AKAP8: variants seen among roughly 807,000 people sequenced by gnomAD.
AKAP8 encodes the protein A-kinase anchoring protein 8.
A neutral mutation model predicts 67.5 loss-of-function variants in AKAP8; 24 were observed. The ratio of observed to expected loss-of-function variants is 0.36; its 90% CI spans 0.26 to 0.50. The LOEUF (loss-of-function observed/expected upper bound fraction) is 0.50, where lower values mean the gene tolerates loss of function less well. AKAP8 is among the 20% of genes least tolerant of loss of function. The probability of loss-of-function intolerance (pLI) is 0.97; values close to 1 mark genes in which losing one functional copy is unlikely to be tolerated. For synonymous variants in AKAP8, 400 were observed against 371.1 expected (o/e 1.08, Z -0.90); for missense variants, 971 against 955.9 (o/e 1.02, Z -0.21).
chr19:15,368,745 G>A (rs765919839), intron 8 of AKAP8: 149 of 985,162 alleles, frequency 1.5e-4, no homozygotes, highest in Non-Finnish European at 1.7e-4. Context: ...CAGCTGCTCC[G>A]CCGCCCTCTA....
In AKAP8 at chr19:15,359,027, A is replaced by T; in HGVS notation, c.1563T>A (p.His521Gln). 1 of 1,614,242 alleles carries T rather than the reference A, an allele frequency of 6.2e-7. No homozygotes were observed. The highest frequency in any genetic ancestry group is 1.1e-5 in the South Asian group (1 of 91,088). Reference sequence around the variant, plus strand: ...TGTTGTTCAAAACACTCTTAGCCACATGGAGACTGGTTTTCTTGAACTGTT... The same window carrying T: ...TGTTGTTCAAAACACTCTTAGCCACTTGGAGACTGGTTTTCTTGAACTGTT... ...AAEQFKKTSLHVAKSVLNNRH... is the reference protein window; with the variant it reads ...AAEQFKKTSLQVAKSVLNNRH... The change falls in exon 13 of 14, where the codon CAT becomes CAA. Residue 521 changes from histidine to glutamine, a missense_variant. By Grantham distance (24) the His-to-Gln change is conservative. Transcript: ENST00000269701.
rs543998894 is a variant in AKAP8 at position 15,373,324 on chromosome 19, G to C, written c.388C>G (p.Pro130Ala). The C allele has an allele frequency of 5.6e-6, 9 of 1,608,766 alleles. No homozygotes were observed. In the East Asian group the frequency reaches 2.0e-4, roughly 36 times the overall value. The change falls in exon 5 of 14, where the codon CCG (proline) becomes GCG (alanine). Residue 130 changes from proline (P) to alanine (A), a missense_variant. Around this residue, in one of 3 missense-constraint regions of AKAP8, gnomAD observed 763 missense variants for 745.4 expected, o/e 1.02. Transcript: ENST00000269701. ...GGCCTGGAGTCATAGGACTCGAACGGCTGGAAGCGGAAGGAGCTGCAACAG... is the reference window on the plus strand; with the variant it reads ...GGCCTGGAGTCATAGGACTCGAACGCCTGGAAGCGGAAGGAGCTGCAACAG... ...QDRESSFRFQ[P>A]FESYDSRPCL... is the part of the protein sequence containing the mutation.
At chr19:15,355,467 A>T in intron 13 of AKAP8, 97 bp from the exon 14 acceptor site, 3 of 1,151,358 alleles carry the variant, frequency 2.6e-6, no homozygotes, top group Non-Finnish European at 3.7e-6. Flanking sequence ...GCAGTCCACA[A>T]GGGAAACACT....
intron 1 of AKAP8, chr19:15,379,461 G>A (rs1826096929): frequency 4.4e-6 from 2 of 458,196 alleles, no homozygotes; most frequent in South Asian, 8.4e-5. Context: ...GAAGCCCACC[G>A]CGGCGTCTGC....
intron 1 of AKAP8, chr19:15,379,322 A>C (rs1967325159): frequency 1.4e-5 from 3 of 216,588 alleles, no homozygotes; most frequent in Non-Finnish European, 2.7e-5. Flanking sequence ...CCGCCCCCCT[A>C]GCGCCGCCAT....
At chr19:15,376,010 A>G (rs1186729736) in intron 2 of AKAP8, among the ~76,000 whole-genome samples, 1 of 151,304 alleles carries the variant, frequency 6.6e-6, no homozygotes, top group Non-Finnish European at 1.5e-5. Context: ...AGCTCACTGC[A>G]GCCTTACCTC....
intron 1 of AKAP8, among the ~76,000 whole-genome samples, chr19:15,378,697 T>C (rs535068443): frequency 1.3e-5 from 2 of 152,088 alleles, no homozygotes; most frequent in South Asian, 4.1e-4. Flanking sequence ...ATCGACAACT[T>C]CTCGAGCTCC....
At chr19:15,363,385 G>A (rs865980712) in intron 9 of AKAP8, among the ~76,000 whole-genome samples, 2 of 130,438 alleles carry the variant, frequency 1.5e-5, no homozygotes, top group African/African-American at 2.9e-5. Flanking sequence ...CCGGCCAGCC[G>A]CCCCGTCCGG....
chr19:15,373,427 T>G, intron 4 of AKAP8, 87 bp from the exon 5 acceptor site: 1 of 1,469,396 alleles, frequency 6.8e-7, no homozygotes, highest in Non-Finnish European at 9.0e-7. Flanking sequence ...GCCCCTACAT[T>G]CAAAACAGCA....
chr19:15,363,194 C>A (rs1967003729), intron 9 of AKAP8, among the ~76,000 whole-genome samples: 1 of 151,550 alleles, frequency 6.6e-6, no homozygotes, highest in South Asian at 2.1e-4. Flanking sequence ...AGGAGCGTCT[C>A]CGCCCGGCAG....
intron 9 of AKAP8, among the ~76,000 whole-genome samples, chr19:15,364,790 T>C (rs1028157841): frequency 1.3e-5 from 2 of 152,040 alleles, no homozygotes; most frequent in East Asian, 3.9e-4. Context: ...GCACCCAGAC[T>C]TTTCTTTTTC....
At position 15,374,615 on chromosome 19, in the gene AKAP8, C is replaced by T; in HGVS notation, c.79G>A (p.Ala27Thr). The change falls in exon 3 of 14, where the codon GCC becomes ACC. Residue 27 changes from alanine (A) to threonine (T), a missense_variant. Physicochemically the swap from Ala to Thr is moderately conservative, Grantham distance 58. This residue lies in a region of AKAP8 where 763 missense variants were observed against 745.4 expected (regional missense o/e 1.02). Transcript: ENST00000269701. ...NTQGAYGTGV[A>T]SWQGYENYNY... ...CAGAAGGGCTTACCTTGCCAGCTGGCCACACCAGTTCCATATGCACCTTAG... is the reference window on the plus strand; with the variant it reads ...CAGAAGGGCTTACCTTGCCAGCTGGTCACACCAGTTCCATATGCACCTTAG... 1.2e-6 allele frequency: 2 copies of T among 1,611,230 alleles called. No individual in the cohort carries two copies. Among genetic ancestry groups the T allele is most frequent in the African/African-American group, 1.3e-5 (1 of 74,596 alleles).
Position 15,355,191 on chromosome 19 carries a change from C to T in AKAP8, c.1803G>A (p.Gly601=), listed in dbSNP as rs1213991124. The T allele has an allele frequency of 1.9e-6, 3 of 1,611,912 alleles. No homozygotes were observed. The highest frequency in any genetic ancestry group is 2.5e-6 in the Non-Finnish European group (3 of 1,180,030). ...TGGGGCCTTCGTCCTCAGCCGGCTC[C>T]CCGCTGCTCTCTGGAGCGGGCGCTC... The part of the protein sequence containing the change: ...GEGAPAPESS[G]EPAEDEGPTD... The change falls in exon 14 of 14, where the codon GGG becomes GGA. Residue 601 remains glycine, a synonymous_variant. Coordinates refer to ENST00000269701, the MANE Select transcript of AKAP8 (RefSeq NM_005858.4).
rs899865929 is a variant in AKAP8 at position 15,372,444 on chromosome 19, C to T, written c.862-97G>A. Reference sequence around the variant, plus strand: ...AGGTTGTAGGATCAGACAACACAGGCACAAAAGGTCTTTTCAAAAAGCAAA... The same window carrying T: ...AGGTTGTAGGATCAGACAACACAGGTACAAAAGGTCTTTTCAAAAAGCAAA... On this transcript the variant is annotated intron_variant, in intron 5 of 13. Transcript: ENST00000269701. 24 of 1,476,716 alleles carry T rather than the reference C, an allele frequency of 1.6e-5. No individual in the cohort carries two copies. The East Asian group carries it at 5.0e-4, about 31-fold the overall frequency. The allele number at this position is 1,476,716 out of a possible 1,614,324, so 91.5% of individuals were successfully genotyped here.
chr19:15,361,272 C>CTTTT (rs922645877), intron 11 of AKAP8, among the ~76,000 whole-genome samples: 5 of 151,380 alleles, frequency 3.3e-5, no homozygotes, highest in African/African-American at 9.7e-5. Context: ...CCGAAGGTTT[C>CTTTT]TTTCCATTGC....
In AKAP8 at chr19:15,373,099, T is replaced by C. The variant is rs1251624887; in HGVS notation, c.613A>G (p.Met205Val). The C allele has an allele frequency of 1.2e-6, 2 of 1,612,204 alleles. No homozygotes were observed. Among genetic ancestry groups the C allele is most frequent in the Non-Finnish European group, 1.7e-6 (2 of 1,179,632 alleles). ...FQDRSNPGTF[M>V]RSDPFVPPAA... is the part of the protein sequence containing the mutation. Reference sequence around the variant, plus strand: ...GGGGGCACGAAGGGGTCGCTGCGCATGAAGGTGCCAGGGTTGCTCCGGTCC... The same window carrying C: ...GGGGGCACGAAGGGGTCGCTGCGCACGAAGGTGCCAGGGTTGCTCCGGTCC... Residue 205 changes from methionine (M) to valine (V), a missense_variant, in exon 5 of 14, where the codon ATG becomes GTG. This residue lies in a region of AKAP8 where 763 missense variants were observed against 745.4 expected (regional missense o/e 1.02). Transcript: ENST00000269701.
intron 1 of AKAP8, chr19:15,379,255 G>A (rs1967322526): frequency 6.2e-6 from 1 of 160,592 alleles, no homozygotes; most frequent in South Asian, 1.7e-4. Context: ...CCCGCGGTCC[G>A]CCCGCGGCCC....
At chr19:15,363,719 G>A (rs909812752) in intron 9 of AKAP8, among the ~76,000 whole-genome samples, 4 of 152,196 alleles carry the variant, frequency 2.6e-5, no homozygotes, top group Non-Finnish European at 5.9e-5. Flanking sequence ...ATAGAAAGGC[G>A]GGAAAGGTGG....
Position 15,360,935 on chromosome 19 carries a change from G to A in AKAP8, c.1440C>T (p.His480=), listed in dbSNP as rs1296913017. 1.2e-6 allele frequency: 2 copies of A among 1,613,732 alleles called. No individual in the cohort carries two copies. The highest frequency in any genetic ancestry group is 1.7e-4 in the Middle Eastern group (1 of 6,060). The stretch of plus-strand genomic sequence containing the variant: ...GAATTAGCATGTCGCAGGCCAGGCA[G>A]TGAGCAGCCTCGATCTTCTTGAAGA... ...EHFFKKIEAA[H]CLACDMLIPA... is the part of the protein sequence containing the mutation. The change falls in exon 12 of 14, where the codon CAC becomes CAT. Residue 480 remains histidine, a synonymous_variant. Coordinates refer to ENST00000269701, the MANE Select transcript of AKAP8 (RefSeq NM_005858.4).
Sources: allele counts gnomAD v4.1 joint callset (sites outside exome capture counted in the v4.1 genomes callset), GRCh38; gene constraint gnomAD v4.1.1; regional missense constraint gnomAD v4.1.1; transcripts MANE v1.5; gene names NCBI Gene and HGNC (gene_info 2026-07-23, HGNC 2026-07-21).